Variants in NAPSA observed in about 807,000 individuals in gnomAD.
NAPSA encodes napsin A aspartic peptidase.
A neutral mutation model predicts 36.7 loss-of-function variants in NAPSA; 37 were observed. That is an observed-to-expected ratio of 1.01 (90% CI 0.78 to 1.33). NAPSA has a LOEUF of 1.33. Ranked by LOEUF, NAPSA falls within the 40% of genes most tolerant of loss-of-function variation. The pLI, the probability that NAPSA is intolerant of heterozygous loss-of-function variation, is 0.00. For missense variants in NAPSA, 532 were observed against 543.8 expected, an observed-to-expected ratio of 0.98 and a Z score of 0.21; for synonymous variants, 222 against 234.5, an observed-to-expected ratio of 0.95 and a Z score of 0.49.
rs2305505 is a variant in NAPSA at position 50,359,977 on chromosome 19, G to A, written c.669-115C>T. 283 of 1,383,510 alleles carry A rather than the reference G, an allele frequency of 2.0e-4. 3 individuals are homozygous for A. In the East Asian group the frequency reaches 6.0e-3, roughly 29 times the overall value. The allele number at this position is 1,383,510 out of a possible 1,614,324, so 85.7% of individuals were successfully genotyped here. Reference sequence around the variant, plus strand: ...ACTGGGTTGTTTCTGGAGTTCCTACGGGGTAATGGGATGCAGGAAGGGCCT... The same window carrying A: ...ACTGGGTTGTTTCTGGAGTTCCTACAGGGTAATGGGATGCAGGAAGGGCCT... On this transcript the variant is annotated intron_variant, in intron 5 of 8. Transcript: ENST00000253719.
Position 50,358,843 on chromosome 19 carries a change from C to T in NAPSA, c.1036-63G>A, listed in dbSNP as rs1391356301. ...ACAAGGACGGCCATTTGCCTGGGAG[C>T]CCGTCCATCCCCCCCACCCTCGGGT... On this transcript the variant is annotated intron_variant, in intron 8 of 8. Coordinates refer to ENST00000253719, the MANE Select transcript of NAPSA (RefSeq NM_004851.3). The T allele has an allele frequency of 7.6e-6, 11 of 1,440,900 alleles. No individual in the cohort carries two copies. The Admixed American group carries it at 2.2e-4, about 29-fold the overall frequency. 89.3% of individuals were successfully genotyped at this position (1,440,900 alleles called of 1,614,324 possible). A position where few individuals can be genotyped will look rare whatever the true frequency, so the allele number is the denominator to read the frequency against.
rs185857867 is a variant in NAPSA at position 50,364,058 on chromosome 19, G to A, written c.83+1481C>T. On this transcript the variant is annotated intron_variant, in intron 1 of 8. Transcript: ENST00000253719. ...GTCCTGGCCAGGCGCAGTGGCTCAC[G>A]CCTGTAATCCCAGCACTTTGGGAGG... is the stretch of plus-strand genomic sequence containing the variant. Among the ~76,000 whole-genome samples, 24 of 152,234 alleles carry A rather than the reference G, an allele frequency of 1.6e-4. 1 individual carries two copies. The highest frequency in any genetic ancestry group is 5.5e-4 in the African/African-American group (23 of 41,536).
Position 50,359,025 on chromosome 19 carries a change from C to T in NAPSA, c.1021G>A (p.Asp341Asn). The change falls in exon 8 of 9, where the codon GAT becomes AAT. Residue 341 changes from aspartate (D) to asparagine (N), a missense_variant. Asp to Asn is a conservative substitution (Grantham distance 23). This residue lies in a region of NAPSA where 385 missense variants were observed against 371.5 expected (regional missense o/e 1.04). Transcript: ENST00000253719. ...GGVWFNLTAH[D>N]YVIQTTRNGV... Reference sequence around the variant, plus strand: ...TGGCCACCTACCTGGATGACGTAATCATGGGCCGTGAGGTTAAACCAGACC... The same window carrying T: ...TGGCCACCTACCTGGATGACGTAATTATGGGCCGTGAGGTTAAACCAGACC... The T allele has an allele frequency of 6.2e-7, 1 of 1,613,864 alleles. No homozygotes were observed. Among genetic ancestry groups the T allele is most frequent in the South Asian group, 1.1e-5 (1 of 91,060 alleles).
chr19:50,360,913 T>C (rs1410377011), intron 5 of NAPSA, 28 bp downstream of exon 5: 2 of 1,603,226 alleles, frequency 1.2e-6, no homozygotes, highest in Non-Finnish European at 1.7e-6. Flanking sequence ...GGGATAGGAC[T>C]CATAGATAGG....
chr19:50,362,377 C>T (rs753459069), intron 1 of NAPSA, 64 bp from the exon 2 acceptor site: 1 of 1,463,798 alleles, frequency 6.8e-7, no homozygotes. Context: ...ATAGACTTAC[C>T]CAAATAGGAT....
intron 8 of NAPSA, 78 bp from the exon 9 acceptor site, chr19:50,358,858 C>T: frequency 1.4e-6 from 2 of 1,407,030 alleles, no homozygotes; most frequent in Non-Finnish European, 1.9e-6. Context: ...CCATCCCCCC[C>T]ACCCTCGGGT....
rs558967068 is a variant in NAPSA, at chr19:50,358,641, C to T, written c.1175G>A (p.Ser392Asn). 1 of 1,613,026 alleles carries T rather than the reference C, an allele frequency of 6.2e-7. No homozygotes were observed. The highest frequency in any genetic ancestry group is 1.7e-5 in the Admixed American group (1 of 59,964). Residue 392 changes from serine (S) to asparagine (N), a missense_variant, in exon 9 of 9, where the codon AGC becomes AAC. By Grantham distance (46) the Ser-to-Asn change is conservative (BLOSUM62 1). This residue lies in a region of NAPSA where 385 missense variants were observed against 371.5 expected (regional missense o/e 1.04). Transcript: ENST00000253719. The part of the protein sequence containing the change: ...VAVFDRGDMK[S>N]SARVGLARAR... ...GCGCGCCAGGCCCACCCGGGCGCTG[C>T]TCTTCATGTCCCCGCGGTCGAAGAC...
chr19:50,359,783 C>G lies in NAPSA; in HGVS notation c.748G>C (p.Val250Leu). ...PAHYIPPLTF[V>L]PVTVPAYWQI... ...CAGTAGGCAGGGACCGTGACTGGCACGAAGGTGAGGGGTGGGATGTAGTGT... is the reference window on the plus strand; with the variant it reads ...CAGTAGGCAGGGACCGTGACTGGCAGGAAGGTGAGGGGTGGGATGTAGTGT... Residue 250 changes from valine to leucine, a missense_variant, in exon 6 of 9, where the codon GTG (valine) becomes CTG (leucine). Physicochemically the swap from Val to Leu is conservative, Grantham distance 32 (BLOSUM62 1). This residue lies in a region of NAPSA where 385 missense variants were observed against 371.5 expected (regional missense o/e 1.04). Coordinates refer to ENST00000253719, the MANE Select transcript of NAPSA (RefSeq NM_004851.3). 2 of 1,614,202 alleles carry G rather than the reference C, an allele frequency of 1.2e-6. No homozygotes were observed. Among genetic ancestry groups the G allele is most frequent in the Non-Finnish European group, 1.7e-6 (2 of 1,180,048 alleles).
chr19:50,366,648 T>G (rs538131740), upstream of NAPSA, among the ~76,000 whole-genome samples: 8 of 121,966 alleles, frequency 6.6e-5, no homozygotes, highest in Non-Finnish European at 1.2e-4. Context: ...ATTGATGAGT[T>G]ATTTATTTAT....
intron 1 of NAPSA, among the ~76,000 whole-genome samples, chr19:50,363,012 C>G (rs1421830661): frequency 1.3e-5 from 2 of 152,106 alleles, no homozygotes; most frequent in African/African-American, 4.8e-5. Flanking sequence ...GCTGTTGATA[C>G]AACATTTGGA....
Position 50,359,082 on chromosome 19 carries a change from T to C in NAPSA, c.964A>G (p.Lys322Glu). 1 of 1,613,778 alleles carries C rather than the reference T, an allele frequency of 6.2e-7. No individual in the cohort carries two copies. The highest frequency in any genetic ancestry group is 8.5e-7 in the Non-Finnish European group (1 of 1,179,860). Residue 322 changes from lysine to glutamate, a missense_variant, in exon 8 of 9, where the codon AAG (lysine) becomes GAG (glutamate). Coordinates refer to ENST00000253719, the MANE Select transcript of NAPSA (RefSeq NM_004851.3). The stretch of plus-strand genomic sequence containing the variant: ...AGAAGGAAGGAGACTGCGGGGAGCT[T>C]TGGGATTTCCGAGCACAGGATGATG... Reference protein sequence around the residue: ...EYIILCSEIPKLPAVSFLLGG... With the variant: ...EYIILCSEIPELPAVSFLLGG...
chr19:50,364,355 CCTGTAATCCCAG>C lies in NAPSA; in HGVS notation c.83+1172_83+1183del, dbSNP rs1317406226. 4.7e-5 allele frequency among the ~76,000 whole-genome samples: 7 copies of C among 148,432 alleles called. No individual in the cohort carries two copies. In the East Asian group the frequency reaches 8.1e-4, roughly 17 times the overall value. On this transcript the variant is annotated intron_variant, in intron 1 of 8. Coordinates refer to ENST00000253719, the MANE Select transcript of NAPSA (RefSeq NM_004851.3). ...AAAAGGCCAGGCGCGGTGGCTTACG[CCTGTAATCCCAG>C]CACTTTGCGAGGCTGAGGTGGGTGG...
rs778169549 is a variant in NAPSA at position 50,362,196 on chromosome 19, G to A, written c.201C>T (p.Phe67=). The A allele has an allele frequency of 2.2e-5, 36 of 1,613,840 alleles. No homozygotes were observed. The highest frequency in any genetic ancestry group is 1.7e-4 in the African/African-American group (13 of 75,048). The change falls in exon 2 of 9, where the codon TTC becomes TTT. Residue 67 remains phenylalanine (F), a synonymous_variant. Coordinates refer to ENST00000253719, the MANE Select transcript of NAPSA (RefSeq NM_004851.3). ...CATCCCTGTAGTTCGAGAGAGGTAC[G>A]AAGATGGGCTTGTCCCCAGGGGATG... ...GAPSPGDKPI[F]VPLSNYRDVQ...
upstream of NAPSA, among the ~76,000 whole-genome samples, chr19:50,367,317 G>T (rs970983346): frequency 6.6e-6 from 1 of 152,200 alleles, no homozygotes; most frequent in African/African-American, 2.4e-5. Flanking sequence ...GTTTGTACCT[G>T]TCCTTTTTGG....
Position 50,365,417 on chromosome 19 carries a change from A to T in NAPSA, c.83+122T>A, listed in dbSNP as rs1200608978. 3 of 863,976 alleles carry T rather than the reference A, an allele frequency of 3.5e-6. No individual in the cohort carries two copies. The African/African-American group carries it at 5.0e-5, about 14-fold the overall frequency. 53.5% of individuals were successfully genotyped at this position (863,976 alleles called of 1,614,324 possible). A position where few individuals can be genotyped will look rare whatever the true frequency, so the allele number is the denominator to read the frequency against. ...TGGTTTAGAGATCTGGAAAGCTGAG[A>T]AAGAAGCTCTAGGGATCCTGGGTGC... is the stretch of plus-strand genomic sequence containing the variant. On this transcript the variant is annotated intron_variant, in intron 1 of 8. Transcript: ENST00000253719.
chr19:50,361,443 TC>T (rs1267418276), intron 4 of NAPSA: 9 of 580,552 alleles, frequency 1.6e-5, no homozygotes, highest in South Asian at 4.2e-5. Context: ...TGGAAGCTCC[TC>T]CCCCCTGCTT....
In NAPSA at chr19:50,361,788, T is replaced by G. The variant is rs2037477343; in HGVS notation, c.350-7A>C. On this transcript the variant is annotated splice_polypyrimidine_tract_variant and splice_region_variant and intron_variant, in intron 3 of 8. Coordinates refer to ENST00000253719, the MANE Select transcript of NAPSA (RefSeq NM_004851.3). ...TCAAATCGGTGGTGTAACCCTAGGT[T>G]AGAGGTCAGAAAGGTGTCATGGGGG... 3 of 1,613,180 alleles carry G rather than the reference T, an allele frequency of 1.9e-6. No individual in the cohort carries two copies. Among genetic ancestry groups the G allele is most frequent in the African/African-American group, 1.3e-5 (1 of 74,832 alleles).
chr19:50,362,324 A>G lies in NAPSA; in HGVS notation c.84-11T>C. The G allele has an allele frequency of 2.5e-6, 4 of 1,590,714 alleles. No individual in the cohort carries two copies. The highest frequency in any genetic ancestry group is 3.4e-6 in the Non-Finnish European group (4 of 1,167,710). On this transcript the variant is annotated splice_polypyrimidine_tract_variant and intron_variant, in intron 1 of 8. Coordinates refer to ENST00000253719, the MANE Select transcript of NAPSA (RefSeq NM_004851.3). ...CGATGAAGAGGGATGCTGTAGGGAA[A>G]GAGGATATTGACAGGAAGCTGCCCT... is the stretch of plus-strand genomic sequence containing the variant.
Position 50,358,982 on chromosome 19 carries a change from A to G in NAPSA, c.1035+29T>C, listed in dbSNP as rs1181677401. 2 of 1,578,612 alleles carry G rather than the reference A, an allele frequency of 1.3e-6. 1 individual carries two copies. The highest frequency in any genetic ancestry group is 2.2e-5 in the South Asian group (2 of 90,230). On this transcript the variant is annotated intron_variant, in intron 8 of 8. Coordinates refer to ENST00000253719, the MANE Select transcript of NAPSA (RefSeq NM_004851.3). ...CCCTCTCAAACCGTCATATGACGTCACTATGGCGTCATGGTGATGGCCACC... is the reference window on the plus strand; with the variant it reads ...CCCTCTCAAACCGTCATATGACGTCGCTATGGCGTCATGGTGATGGCCACC...
Sources: gnomAD v4.1 joint callset for allele counts (sites outside exome capture counted in the v4.1 genomes callset) on GRCh38, gnomAD v4.1.1 for gene constraint, gnomAD v4.1.1 regional missense constraint, MANE v1.5 for transcripts, NCBI Gene and HGNC (gene_info 2026-07-23, HGNC 2026-07-21) for gene names.